Variants in ADIPOQ observed in about 807,000 individuals in gnomAD.
ADIPOQ encodes adiponectin, C1Q and collagen domain containing, also known as adiponectin.
ADIPOQ carries 19 observed loss-of-function variants against 16.1 expected under a neutral mutation model. The ratio of observed to expected loss-of-function variants is 1.18; its 90% CI spans 0.82 to 1.73. The LOEUF is 1.73. Among genes scored for constraint, ADIPOQ ranks in the 40% most tolerant of loss-of-function variants. ADIPOQ has a pLI of 0.00. For synonymous variants in ADIPOQ, 124 were observed against 125.5 expected, an observed-to-expected ratio of 0.99 and a Z score of 0.08; for missense variants, 323 against 308.3, an observed-to-expected ratio of 1.05 and a Z score of -0.36.
At position 186,856,318 on chromosome 3, in the gene ADIPOQ, G is replaced by A. The variant is rs1712000424; in HGVS notation, c.*1614G>A. ...GATTTTAGCAAAAACAGAGTAAATA[G>A]CATTCTCTATCAATATATAAATTTA... On this transcript the variant is annotated 3_prime_UTR_variant, in exon 3 of 3. Transcript: ENST00000320741. The A allele has an allele frequency of 6.6e-6, 1 of 152,146 alleles. No homozygotes were observed. The highest frequency in any genetic ancestry group is 2.1e-4 in the South Asian group (1 of 4,828). 9.4% of individuals were successfully genotyped at this position (152,146 alleles called of 1,614,324 possible). A position where few individuals can be genotyped will look rare whatever the true frequency, so the allele number is the denominator to read the frequency against.
At position 186,854,624 on chromosome 3, in the gene ADIPOQ, G is replaced by A. The variant is rs773261440; in HGVS notation, c.655G>A (p.Gly219Arg). 3.1e-6 allele frequency: 5 copies of A among 1,614,058 alleles called. No individual in the cohort carries two copies. Among genetic ancestry groups the A allele is most frequent in the Non-Finnish European group, 4.2e-6 (5 of 1,180,038 alleles). ...DQVWLQVYGE[G>R]ERNGLYADND... ...AGTCTGGCTCCAGGTGTATGGGGAA[G>A]GAGAGCGTAATGGACTCTATGCTGA... Residue 219 changes from glycine to arginine, a missense_variant, in exon 3 of 3, where the codon GGA becomes AGA. By Grantham distance (125) the Gly-to-Arg change is moderately radical. Coordinates refer to ENST00000320741, the MANE Select transcript of ADIPOQ (RefSeq NM_004797.4).
intron 1 of ADIPOQ, among the ~76,000 whole-genome samples, chr3:186,847,988 A>T (rs1196610331): frequency 6.6e-6 from 1 of 152,122 alleles, no homozygotes; most frequent in Non-Finnish European, 1.5e-5. Context: ...CCCGGCCAAC[A>T]TGGTGAAATC....
rs529258670 is a variant in ADIPOQ, at chr3:186,857,772, G to A, written c.*3068G>A. On this transcript the variant is annotated 3_prime_UTR_variant, in exon 3 of 3. Coordinates refer to ENST00000320741, the MANE Select transcript of ADIPOQ (RefSeq NM_004797.4). Reference sequence around the variant, plus strand: ...CTATTATTAGATATATACATGTTTAGTATTATGTCTTATTGGTGCATTTAC... The same window carrying A: ...CTATTATTAGATATATACATGTTTAATATTATGTCTTATTGGTGCATTTAC... 2 of 152,138 alleles carry A rather than the reference G, an allele frequency of 1.3e-5. No individual in the cohort carries two copies. The highest frequency in any genetic ancestry group is 3.9e-4 in the East Asian group (2 of 5,176). 9.4% of individuals were successfully genotyped at this position (152,138 alleles called of 1,614,324 possible).
chr3:186,853,243 C>A lies in ADIPOQ; in HGVS notation c.185C>A (p.Pro62His). 6.2e-7 allele frequency: 1 copy of A among 1,611,188 alleles called. No individual in the cohort carries two copies. Among genetic ancestry groups the A allele is most frequent in the Admixed American group, 1.7e-5 (1 of 59,350 alleles). ...APGRDGRDGT[P>H]GEKGEKGDPG... Reference sequence around the variant, plus strand: ...GGCCGTGATGGCAGAGATGGCACCCCTGGTGAGAAGGGTGAGAAAGGAGAT... The same window carrying A: ...GGCCGTGATGGCAGAGATGGCACCCATGGTGAGAAGGGTGAGAAAGGAGAT... Residue 62 changes from proline (P) to histidine (H), a missense_variant, in exon 2 of 3, where the codon CCT (proline) becomes CAT (histidine). By Grantham distance (77) the Pro-to-His change is moderately conservative. Coordinates refer to ENST00000320741, the MANE Select transcript of ADIPOQ (RefSeq NM_004797.4).
chr3:186,850,745 A>G (rs1460762391), intron 1 of ADIPOQ, among the ~76,000 whole-genome samples: 4 of 152,128 alleles, frequency 2.6e-5, no homozygotes, highest in African/African-American at 9.6e-5. Context: ...CATTATAAAA[A>G]CTAGAAAATG....
At chr3:186,846,378 G>A (rs1711580840) in intron 1 of ADIPOQ, among the ~76,000 whole-genome samples, 1 of 151,938 alleles carries the variant, frequency 6.6e-6, no homozygotes, top group African/African-American at 2.4e-5. Context: ...ATTACAGGCA[G>A]GCACCACCAC....
chr3:186,852,962 T>G, intron 1 of ADIPOQ, 89 bp from the exon 2 acceptor site: 1 of 1,390,014 alleles, frequency 7.2e-7, no homozygotes, highest in Non-Finnish European at 1.0e-6. Context: ...TAGACTCTGC[T>G]GAGATGGACG....
chr3:186,856,944 C>T lies in ADIPOQ; in HGVS notation c.*2240C>T, dbSNP rs1313996922. 6.6e-6 allele frequency: 1 copy of T among 152,168 alleles called. No individual in the cohort carries two copies. Among genetic ancestry groups the T allele is most frequent in the East Asian group, 1.9e-4 (1 of 5,202 alleles). 9.4% of individuals were successfully genotyped at this position (152,168 alleles called of 1,614,324 possible). A position where few individuals can be genotyped will look rare whatever the true frequency, so the allele number is the denominator to read the frequency against. On this transcript the variant is annotated 3_prime_UTR_variant, in exon 3 of 3. Coordinates refer to ENST00000320741, the MANE Select transcript of ADIPOQ (RefSeq NM_004797.4). ...TTTAGATAAGGTTTGAACCAAAGCTCAAAACAATCAAGACCCTTTTCTGTA... is the reference window on the plus strand; with the variant it reads ...TTTAGATAAGGTTTGAACCAAAGCTTAAAACAATCAAGACCCTTTTCTGTA...
chr3:186,848,248 A>AG (rs1711635054), intron 1 of ADIPOQ, among the ~76,000 whole-genome samples: 1 of 115,962 alleles, frequency 8.6e-6, no homozygotes, highest in Non-Finnish European at 1.8e-5. Flanking sequence ...GAAGGAAGGA[A>AG]AGAAGGAAGG....
chr3:186,845,106 G>A (rs1332899893), intron 1 of ADIPOQ, among the ~76,000 whole-genome samples: 1 of 151,810 alleles, frequency 6.6e-6, no homozygotes, highest in Non-Finnish European at 1.5e-5. Context: ...GTGTGTATGT[G>A]TGGGGGGGGG....
At chr3:186,853,959 C>A (rs937736689) in intron 2 of ADIPOQ, 2 of 553,728 alleles carry the variant, frequency 3.6e-6, no homozygotes, top group Non-Finnish European at 3.2e-6. Flanking sequence ...ATGATAGAGA[C>A]CTATAGGAGA....
chr3:186,844,171 G>A (rs934048242), intron 1 of ADIPOQ, among the ~76,000 whole-genome samples: 3 of 152,122 alleles, frequency 2.0e-5, no homozygotes, highest in African/African-American at 7.2e-5. Context: ...AGTCCCTGCT[G>A]CCACTCTTCC....
chr3:186,845,111 G>A (rs897287341), intron 1 of ADIPOQ, among the ~76,000 whole-genome samples: 1 of 151,356 alleles, frequency 6.6e-6, no homozygotes, highest in African/African-American at 2.4e-5. Flanking sequence ...TATGTGTGGG[G>A]GGGGGTGGTG....
chr3:186,847,610 C>T (rs1466967845), intron 1 of ADIPOQ, among the ~76,000 whole-genome samples: 1 of 152,140 alleles, frequency 6.6e-6, no homozygotes, highest in African/African-American at 2.4e-5. Flanking sequence ...AGCTTCATCA[C>T]TCCTTCGTTG....
At chr3:186,845,107 T>G (rs1292753457) in intron 1 of ADIPOQ, among the ~76,000 whole-genome samples, 1 of 149,792 alleles carries the variant, frequency 6.7e-6, no homozygotes, top group Admixed American at 6.7e-5. Flanking sequence ...TGTGTATGTG[T>G]GGGGGGGGGT....
intron 1 of ADIPOQ, among the ~76,000 whole-genome samples, chr3:186,848,214 G>T (rs1711632127): frequency 7.5e-6 from 1 of 134,152 alleles, no homozygotes; most frequent in Non-Finnish European, 1.6e-5. Flanking sequence ...AGGAAGGAAG[G>T]AAGGAAGGAA....
At position 186,854,487 on chromosome 3, in the gene ADIPOQ, T is replaced by G. The variant is rs776699211; in HGVS notation, c.518T>G (p.Val173Gly). 2 of 1,613,974 alleles carry G rather than the reference T, an allele frequency of 1.2e-6. No individual in the cohort carries two copies. Among genetic ancestry groups the G allele is most frequent in the Non-Finnish European group, 8.5e-7 (1 of 1,179,950 alleles). ...HITVYMKDVK[V>G]SLFKKDKAML... The stretch of plus-strand genomic sequence containing the variant: ...ACAGTCTATATGAAGGATGTGAAGG[T>G]CAGCCTCTTCAAGAAGGACAAGGCT... The change falls in exon 3 of 3, where the codon GTC (valine) becomes GGC (glycine). Residue 173 changes from valine (V) to glycine (G), a missense_variant. Coordinates refer to ENST00000320741, the MANE Select transcript of ADIPOQ (RefSeq NM_004797.4).
chr3:186,845,871 C>T (rs2108487940), intron 1 of ADIPOQ, among the ~76,000 whole-genome samples: 1 of 152,308 alleles, frequency 6.6e-6, no homozygotes, highest in Admixed American at 6.5e-5. Flanking sequence ...TCAGTGTTCT[C>T]ATGTTCCTCA....
intron 1 of ADIPOQ, among the ~76,000 whole-genome samples, chr3:186,845,854 G>A (rs987662398): frequency 3.3e-5 from 5 of 152,144 alleles, no homozygotes; most frequent in Admixed American, 6.6e-5. Flanking sequence ...AAGAACTCGC[G>A]CCAGTGTCAG....
Sources: allele counts gnomAD v4.1 joint callset (sites outside exome capture counted in the v4.1 genomes callset), GRCh38; gene constraint gnomAD v4.1.1; transcripts MANE v1.5; gene names NCBI Gene and HGNC (gene_info 2026-07-23, HGNC 2026-07-21).